CMIP: variants seen among roughly 807,000 people sequenced by gnomAD.
The protein encoded by CMIP is c-Maf inducing protein.
A neutral mutation model predicts 97.3 loss-of-function variants in CMIP; 13 were observed. The observed-to-expected ratio is 0.13, with a 90% CI of 0.09 to 0.21. The LOEUF (loss-of-function observed/expected upper bound fraction) is 0.21, where lower values mean the gene tolerates loss of function less well. CMIP is among the 10% of genes least tolerant of loss of function. The pLI is 1.00. For missense variants in CMIP, 847 were observed against 1,024.9 expected (o/e 0.83, Z 2.37); for synonymous variants, 538 against 436.3 (o/e 1.23, Z -2.91).
rs16955417 is a variant in CMIP at position 81,475,028 on chromosome 16, C to T, written c.300+29487C>T. Among the ~76,000 whole-genome samples the T allele has an allele frequency of 0.02, 2,995 of 152,250 alleles. 202 individuals carry two copies. The East Asian group carries it at 0.27, about 14-fold the overall frequency. On this transcript the variant is annotated intron_variant, in intron 1 of 20. Coordinates refer to ENST00000537098, the MANE Select transcript of CMIP (RefSeq NM_198390.3). ...ATGGAGTTTAAGTGGCCCTCTTCAC[C>T]GTGGCCTTGTGGCTTCATGAATGGA...
chr16:81,576,722 G>A (rs141789623), intron 1 of CMIP, among the ~76,000 whole-genome samples: 1 of 152,260 alleles, frequency 6.6e-6, no homozygotes, highest in African/African-American at 2.4e-5. Context: ...CAGTGCTGAA[G>A]AACACAGGGT....
intron 1 of CMIP, among the ~76,000 whole-genome samples, chr16:81,457,408 C>G (rs964010794): frequency 6.6e-6 from 1 of 152,172 alleles, no homozygotes; most frequent in Non-Finnish European, 1.5e-5. Context: ...ATCCCACCAC[C>G]TGGAAATCAC....
chr16:81,476,897 C>G (rs1907958217), intron 1 of CMIP, among the ~76,000 whole-genome samples: 1 of 152,126 alleles, frequency 6.6e-6, no homozygotes, highest in African/African-American at 2.4e-5. Flanking sequence ...TTCTCAGGCT[C>G]CCTAAGGATC....
At chr16:81,547,356 C>T (rs984890421) in intron 1 of CMIP, among the ~76,000 whole-genome samples, 2 of 152,174 alleles carry the variant, frequency 1.3e-5, no homozygotes, top group African/African-American at 2.4e-5. Flanking sequence ...TGCAGATGCT[C>T]TGCCATCTCT....
chr16:81,691,934 G>A, intron 11 of CMIP, 94 bp downstream of exon 11: 1 of 1,110,942 alleles, frequency 9.0e-7, no homozygotes, highest in Non-Finnish European at 1.4e-6. Flanking sequence ...CATGTTATGG[G>A]GAAGCGAAGT....
At chr16:81,642,212 G>A (rs1236432761) in intron 3 of CMIP, among the ~76,000 whole-genome samples, 1 of 152,186 alleles carries the variant, frequency 6.6e-6, no homozygotes, top group Non-Finnish European at 1.5e-5. Flanking sequence ...TGACTGTAAT[G>A]AGTAGTTTGG....
intron 1 of CMIP, among the ~76,000 whole-genome samples, chr16:81,500,330 TG>T: frequency 3.3e-5 from 1 of 30,672 alleles, no homozygotes; most frequent in Admixed American, 4.1e-4. Flanking sequence ...TGCCTCCCTC[TG>T]TCCCTCCCTC....
chr16:81,532,251 G>A (rs966098787), intron 1 of CMIP, among the ~76,000 whole-genome samples: 1 of 152,242 alleles, frequency 6.6e-6, no homozygotes, highest in African/African-American at 2.4e-5. Context: ...ATTAGATGTC[G>A]AAGTTGAACA....
chr16:81,503,357 A>G (rs2089646925), intron 1 of CMIP, among the ~76,000 whole-genome samples: 1 of 152,046 alleles, frequency 6.6e-6, no homozygotes, highest in African/African-American at 2.4e-5. Flanking sequence ...TCAGTGGATC[A>G]CTGGGTCGCC....
intron 1 of CMIP, among the ~76,000 whole-genome samples, chr16:81,541,059 G>T (rs2090440781): frequency 1.3e-5 from 2 of 150,388 alleles, no homozygotes; most frequent in Admixed American, 6.7e-5. Context: ...GTTAAGTCTT[G>T]ATGACTAAAT....
chr16:81,693,639 G>T (rs575569879), intron 13 of CMIP, among the ~76,000 whole-genome samples, 152 bp downstream of exon 13: 2 of 152,144 alleles, frequency 1.3e-5, no homozygotes, highest in African/African-American at 2.4e-5. Flanking sequence ...TCCCCGCCTG[G>T]TGCAGAGCCC....
intron 1 of CMIP, among the ~76,000 whole-genome samples, chr16:81,509,203 C>G (rs544512141): frequency 5.4e-4 from 83 of 152,344 alleles, no homozygotes; most frequent in Non-Finnish European, 9.6e-4. Flanking sequence ...GTGTCCTCAG[C>G]TGTCATTGCC....
intron 20 of CMIP, among the ~76,000 whole-genome samples, chr16:81,708,979 T>C (rs112190828): frequency 6.6e-6 from 1 of 152,286 alleles, no homozygotes; most frequent in African/African-American, 2.4e-5. Context: ...AGGGAGGATG[T>C]AAAGGCATGA....
Position 81,652,052 on chromosome 16 carries a change from G to T in CMIP, c.478-151G>T, listed in dbSNP as rs988503199. 5.3e-5 allele frequency: 33 copies of T among 619,198 alleles called. No homozygotes were observed. Among genetic ancestry groups the T allele is most frequent in the Non-Finnish European group, 9.0e-5 (32 of 356,364 alleles). 38.4% of individuals were successfully genotyped at this position (619,198 alleles called of 1,614,324 possible). Reference sequence around the variant, plus strand: ...TGGATGAGACCCTTCCTCTCTCGGGGTGTCAGTTTCCTTATAAACGGGGAC... The same window carrying T: ...TGGATGAGACCCTTCCTCTCTCGGGTTGTCAGTTTCCTTATAAACGGGGAC... On this transcript the variant is annotated intron_variant, in intron 3 of 20. Transcript: ENST00000537098. The surrounding 1 kb of genome is among the most constrained non-coding windows in gnomAD (Gnocchi z 5.2).
Position 81,626,954 on chromosome 16 carries a change from A to AGT in CMIP, c.477+6038_477+6039dup, listed in dbSNP as rs373305494. On this transcript the variant is annotated intron_variant, in intron 3 of 20. Transcript: ENST00000537098. ...TATGTGTGGTGTGTGGGGGTGACTG[A>AGT]GTGTGTGTGTGGCATATGGGGCGAC... Among the ~76,000 whole-genome samples the AGT allele has an allele frequency of 2.3e-3, 228 of 98,042 alleles. 1 individual carries two copies. Among genetic ancestry groups the AGT allele is most frequent in the African/African-American group, 8.6e-3 (213 of 24,822 alleles). 64.3% of individuals were successfully genotyped at this position (98,042 alleles called of 152,430 possible). A position where few individuals can be genotyped will look rare whatever the true frequency, so the allele number is the denominator to read the frequency against.
intron 15 of CMIP, 144 bp downstream of exon 15, chr16:81,699,945 A>G: frequency 1.7e-6 from 1 of 605,624 alleles, no homozygotes; most frequent in Non-Finnish European, 3.0e-6. Flanking sequence ...TCCTGAGCTT[A>G]GTGGGAGCCT....
intron 1 of CMIP, among the ~76,000 whole-genome samples, chr16:81,541,594 A>G (rs927148130): frequency 7.9e-5 from 12 of 152,246 alleles, no homozygotes; most frequent in African/African-American, 2.7e-4. Flanking sequence ...AAGATTACAT[A>G]AACTTATGAA....
intron 1 of CMIP, among the ~76,000 whole-genome samples, chr16:81,572,314 C>T (rs1424044801): frequency 1.3e-5 from 2 of 152,222 alleles, no homozygotes; most frequent in African/African-American, 4.8e-5. Context: ...GCGATTGGCC[C>T]TTGCCCTGTT....
intron 10 of CMIP, among the ~76,000 whole-genome samples, chr16:81,686,205 C>G (rs1208150672): frequency 6.6e-6 from 1 of 152,210 alleles, no homozygotes; most frequent in Non-Finnish European, 1.5e-5. Context: ...TTTCTGGAAA[C>G]CATGAGTCAG....
Sources: gnomAD v4.1 joint callset for allele counts (sites outside exome capture counted in the v4.1 genomes callset) on GRCh38, gnomAD v4.1.1 for gene constraint, Gnocchi (gnomAD v3.1) non-coding constraint, MANE v1.5 for transcripts, NCBI Gene and HGNC (gene_info 2026-07-23, HGNC 2026-07-21) for gene names.